KDM4C: variants seen among roughly 807,000 people sequenced by gnomAD.
KDM4C encodes the protein lysine demethylase 4C, also known as lysine-specific demethylase 4C.
In KDM4C, 81 loss-of-function variants were observed where a neutral mutation model predicts 129.3. The ratio of observed to expected loss-of-function variants is 0.63; its 90% CI spans 0.52 to 0.75. KDM4C has a LOEUF of 0.75. KDM4C is among the 30% of genes least tolerant of loss of function. The pLI is 0.00. For synonymous variants in KDM4C, 573 were observed against 456.1 expected, an observed-to-expected ratio of 1.26 and a Z score of -3.26; for missense variants, 1,457 against 1,304.0, an observed-to-expected ratio of 1.12 and a Z score of -1.81.
At chr9:7,164,673 A>C (rs1291304905) in intron 19 of KDM4C, among the ~76,000 whole-genome samples, 1 of 152,098 alleles carries the variant, frequency 6.6e-6, no homozygotes, top group Non-Finnish European at 1.5e-5. Context: ...CTTCAATCGC[A>C]CGCCATTTGT....
chr9:7,007,970 A>C (rs1419784450), intron 12 of KDM4C, among the ~76,000 whole-genome samples: 2 of 152,168 alleles, frequency 1.3e-5, no homozygotes, highest in East Asian at 1.9e-4. Flanking sequence ...TCGATTTAAC[A>C]ACTATCAATG....
chr9:6,816,285 A>G (rs1395854442), intron 4 of KDM4C, among the ~76,000 whole-genome samples: 1 of 152,228 alleles, frequency 6.6e-6, no homozygotes, highest in Admixed American at 6.5e-5. Flanking sequence ...TGCATAGAAC[A>G]TAAACCTAGA....
chr9:7,129,487 C>T (rs942922480), intron 19 of KDM4C, among the ~76,000 whole-genome samples: 1 of 152,192 alleles, frequency 6.6e-6, no homozygotes, highest in Non-Finnish European at 1.5e-5. Flanking sequence ...TATTCATAAA[C>T]AGCATCCCTT....
chr9:6,823,313 A>G (rs1179328955), intron 4 of KDM4C, among the ~76,000 whole-genome samples: 2 of 152,152 alleles, frequency 1.3e-5, no homozygotes, highest in Non-Finnish European at 2.9e-5. Context: ...GTTTTGCACC[A>G]AAAGGGGGTA....
intron 2 of KDM4C, among the ~76,000 whole-genome samples, chr9:6,804,515 T>C (rs532423650): frequency 2.0e-5 from 3 of 152,062 alleles, no homozygotes; most frequent in South Asian, 4.2e-4. Flanking sequence ...ATCCCAACAA[T>C]TTGGGAGGCC....
At chr9:6,903,830 A>T (rs1384718740) in intron 8 of KDM4C, among the ~76,000 whole-genome samples, 1 of 152,222 alleles carries the variant, frequency 6.6e-6, no homozygotes, top group Admixed American at 6.5e-5. Context: ...TTAACAGTTC[A>T]TTGTATATCT....
At chr9:7,129,898 G>C (rs1840432101) in intron 19 of KDM4C, among the ~76,000 whole-genome samples, 2 of 152,128 alleles carry the variant, frequency 1.3e-5, no homozygotes, top group Admixed American at 6.5e-5. Context: ...GGCACAACAT[G>C]GTGAATAATT....
At chr9:7,008,884 G>C (rs1822174680) in intron 12 of KDM4C, among the ~76,000 whole-genome samples, 1 of 152,152 alleles carries the variant, frequency 6.6e-6, no homozygotes, top group African/African-American at 2.4e-5. Flanking sequence ...TGGACTGACT[G>C]GTGAAGGGTT....
intron 12 of KDM4C, among the ~76,000 whole-genome samples, chr9:7,004,227 C>G (rs1233444762): frequency 6.6e-6 from 1 of 152,168 alleles, no homozygotes; most frequent in South Asian, 2.1e-4. Flanking sequence ...TTACATGTAA[C>G]AAAATTTGTT....
chr9:6,772,618 C>A (rs866888276), intron 1 of KDM4C, among the ~76,000 whole-genome samples: 16 of 152,274 alleles, frequency 1.1e-4, no homozygotes, highest in Middle Eastern at 6.8e-3. Context: ...ACCTCGGCCT[C>A]CCAAAGTGCT....
chr9:6,992,605 A>T (rs553082738), intron 12 of KDM4C, among the ~76,000 whole-genome samples: 1 of 152,174 alleles, frequency 6.6e-6, no homozygotes, highest in African/African-American at 2.4e-5. Context: ...GGGAACTTGA[A>T]TGTTACCTTA....
chr9:6,887,849 A>G (rs1425610726), intron 6 of KDM4C, 111 bp from the exon 7 acceptor site: 1 of 699,264 alleles, frequency 1.4e-6, no homozygotes. Flanking sequence ...GAAGAGGTCC[A>G]TACTTGCATA....
At chr9:7,020,903 A>C (rs1824695657) in intron 15 of KDM4C, among the ~76,000 whole-genome samples, 2 of 131,450 alleles carry the variant, frequency 1.5e-5, no homozygotes, top group South Asian at 5.1e-4. Context: ...ATACTGTTTT[A>C]TTCATTTTCC....
At chr9:6,988,399 C>T in intron 11 of KDM4C, among the ~76,000 whole-genome samples, 1 of 151,918 alleles carries the variant, frequency 6.6e-6, no homozygotes, top group South Asian at 2.1e-4. Context: ...TTTATCATTT[C>T]CCCAAGCAAA....
chr9:6,975,307 C>T (rs558184598), intron 8 of KDM4C, among the ~76,000 whole-genome samples: 1 of 152,246 alleles, frequency 6.6e-6, no homozygotes, highest in East Asian at 1.9e-4. Flanking sequence ...TATAATGAGT[C>T]CCGGACATTT....
intron 17 of KDM4C, among the ~76,000 whole-genome samples, chr9:7,077,732 A>G (rs1260602579): frequency 6.6e-6 from 1 of 152,182 alleles, no homozygotes; most frequent in Non-Finnish European, 1.5e-5. Flanking sequence ...GGACTTCACA[A>G]TGTAAGTCAG....
intron 3 of KDM4C, among the ~76,000 whole-genome samples, chr9:6,812,200 G>A (rs887305608): frequency 2.0e-5 from 3 of 149,976 alleles, no homozygotes; most frequent in African/African-American, 7.4e-5. Flanking sequence ...TCATGCCACC[G>A]CACTCCAGCC....
At chr9:6,868,902 A>G (rs1203259333) in intron 5 of KDM4C, among the ~76,000 whole-genome samples, 1 of 152,212 alleles carries the variant, frequency 6.6e-6, no homozygotes, top group Non-Finnish European at 1.5e-5. Flanking sequence ...AATAGTGTGT[A>G]AAACACTAAA....
chr9:6,777,817 A>G (rs1456869724), intron 1 of KDM4C, among the ~76,000 whole-genome samples: 1 of 151,914 alleles, frequency 6.6e-6, no homozygotes, highest in African/African-American at 2.4e-5. Flanking sequence ...ATGGTTTCCA[A>G]CTGCAAGCCA....
Sources: gnomAD v4.1 joint callset for allele counts (sites outside exome capture counted in the v4.1 genomes callset) on GRCh38, gnomAD v4.1.1 for gene constraint, MANE v1.5 for transcripts, NCBI Gene and HGNC (gene_info 2026-07-23, HGNC 2026-07-21) for gene names.